The following PREX1 variants were observed in gnomAD, a reference collection of about 807,000 sequenced individuals.
PREX1 encodes phosphatidylinositol-3,4,5-trisphosphate dependent Rac exchange factor 1.
PREX1 carries 41 observed loss-of-function variants against 198.3 expected under a neutral mutation model. The ratio of observed to expected loss-of-function variants is 0.21; its 90% CI spans 0.16 to 0.27. The LOEUF is 0.27. Ranked by LOEUF, PREX1 falls within the 10% of genes least tolerant of loss-of-function variation. The pLI is 1.00. For synonymous variants in PREX1, 843 were observed against 887.2 expected (o/e 0.95, Z 0.89); for missense variants, 1,620 against 2,200.7 (o/e 0.74, Z 5.28).
At chr20:48,639,956 G>A (rs909889860) in intron 29 of PREX1, 62 bp from the exon 30 acceptor site, 5 of 1,567,254 alleles carry the variant, frequency 3.2e-6, no homozygotes, top group Non-Finnish European at 4.4e-6. Context: ...GAGAACGGTG[G>A]CACAAAGGCC....
chr20:48,661,419 CAAAAAAAA>C (rs1168247790), intron 15 of PREX1, among the ~76,000 whole-genome samples: 3 of 12,024 alleles, frequency 2.5e-4, no homozygotes, highest in South Asian at 6.1e-3. Context: ...AACTCCATCT[CAAAAAAAA>C]AAAAAAAAAA....
rs953888008 is a variant in PREX1 at position 48,691,774 on chromosome 20, G to A, written c.1037-678C>T. ...ATGAAGTGTGAAATGTTCACGTGAC[G>A]GAACACTCTGCAGCAATGGAAACCA... On this transcript the variant is annotated intron_variant, in intron 8 of 39. Coordinates refer to ENST00000371941, the MANE Select transcript of PREX1 (RefSeq NM_020820.4). This position sits in a 1 kb window ranked among gnomAD's most constrained non-coding sequence, Gnocchi z 5.0. Among the ~76,000 whole-genome samples the A allele has an allele frequency of 1.3e-5, 2 of 152,160 alleles. No individual in the cohort carries two copies. The highest frequency in any genetic ancestry group is 1.3e-4 in the Admixed American group (2 of 15,276).
At chr20:48,838,160 C>T in the PREX1 span, among the ~76,000 whole-genome samples, 1 of 152,108 alleles carries the variant, frequency 6.6e-6, no homozygotes, top group Non-Finnish European at 1.5e-5. Context: ...TCAGATGAGC[C>T]GCACAAAGGC....
chr20:48,722,723 CA>C, intron 5 of PREX1, among the ~76,000 whole-genome samples: 1 of 152,270 alleles, frequency 6.6e-6, no homozygotes, highest in African/African-American at 2.4e-5. Context: ...GAGCTGGGGG[CA>C]AAGGTGGCAA....
At chr20:48,747,119 C>A (rs2122778440) in intron 2 of PREX1, among the ~76,000 whole-genome samples, 1 of 151,354 alleles carries the variant, frequency 6.6e-6, no homozygotes, top group South Asian at 2.1e-4. Context: ...ACATGCAAGG[C>A]CACCGTCCAG....
At chr20:48,775,755 C>T (rs764023453) in intron 1 of PREX1, among the ~76,000 whole-genome samples, 2 of 152,292 alleles carry the variant, frequency 1.3e-5, no homozygotes, top group East Asian at 3.9e-4. Context: ...TCTTTGCCTG[C>T]CGCCATCCAT....
chr20:48,775,755 C>A (rs764023453), intron 1 of PREX1, among the ~76,000 whole-genome samples: 3 of 152,174 alleles, frequency 2.0e-5, no homozygotes, highest in Non-Finnish European at 4.4e-5. Flanking sequence ...TCTTTGCCTG[C>A]CGCCATCCAT....
Position 48,679,428 on chromosome 20 carries a change from G to A in PREX1, c.1540-19C>T. ...TCACACCCTGAAAGAAAAAAGGGGA[G>A]GAATTCTGGGATCAGGCCACATCCT... is the stretch of plus-strand genomic sequence containing the variant. On this transcript the variant is annotated intron_variant, in intron 12 of 39. Transcript: ENST00000371941. The A allele has an allele frequency of 6.2e-7, 1 of 1,610,644 alleles. No individual in the cohort carries two copies. Among genetic ancestry groups the A allele is most frequent in the Non-Finnish European group, 8.5e-7 (1 of 1,177,402 alleles).
the PREX1 span, among the ~76,000 whole-genome samples, chr20:48,861,610 C>T: frequency 6.6e-6 from 1 of 152,222 alleles, no homozygotes; most frequent in Non-Finnish European, 1.5e-5. Flanking sequence ...AGGGACCTCA[C>T]ACTTCAGTGA....
the PREX1 span, among the ~76,000 whole-genome samples, chr20:48,875,551 G>GGCC: frequency 3.3e-5 from 5 of 152,322 alleles, no homozygotes; most frequent in Admixed American, 3.3e-4. Context: ...TTAGAAGCAG[G>GGCC]GCCGCGATCA....
chr20:48,758,822 C>T (rs189221322), intron 1 of PREX1, among the ~76,000 whole-genome samples: 167 of 152,270 alleles, frequency 1.1e-3, no homozygotes, highest in African/African-American at 3.8e-3. Flanking sequence ...TCGAAAACGC[C>T]TATCCCTGCT....
chr20:48,772,852 G>A (rs533369163), intron 1 of PREX1, among the ~76,000 whole-genome samples: 1 of 152,288 alleles, frequency 6.6e-6, no homozygotes, highest in Non-Finnish European at 1.5e-5. Flanking sequence ...TACGTTCGCC[G>A]ACCTCAGTTT....
the PREX1 span, among the ~76,000 whole-genome samples, chr20:48,881,156 G>T: frequency 3.3e-5 from 5 of 152,120 alleles, no homozygotes; most frequent in African/African-American, 9.7e-5. Context: ...TATTCAGCGT[G>T]GGGGAGTGGG....
In PREX1 at chr20:48,625,487, C is replaced by T. The variant is rs2664527; in HGVS notation, c.*398G>A. ...CACGTGTGGTCACCTGGAATGTGGA[C>T]GTTGAAGGAAACCGGGGTTTCAAAA... On this transcript the variant is annotated 3_prime_UTR_variant, in exon 40 of 40. Coordinates refer to ENST00000371941, the MANE Select transcript of PREX1 (RefSeq NM_020820.4). The T allele has an allele frequency of 1.0e-5, 2 of 191,626 alleles. No homozygotes were observed. The highest frequency in any genetic ancestry group is 1.6e-4 in the East Asian group (1 of 6,322). 11.9% of individuals were successfully genotyped at this position (191,626 alleles called of 1,614,324 possible). A position where few individuals can be genotyped will look rare whatever the true frequency, so the allele number is the denominator to read the frequency against.
chr20:48,764,810 G>C (rs951749833), intron 1 of PREX1, among the ~76,000 whole-genome samples: 9 of 147,970 alleles, frequency 6.1e-5, no homozygotes, highest in Admixed American at 1.4e-4. Context: ...AAGAAAGAAA[G>C]AAAAAGAGGG....
chr20:48,873,807 A>G, the PREX1 span, among the ~76,000 whole-genome samples: 2 of 152,312 alleles, frequency 1.3e-5, no homozygotes, highest in Middle Eastern at 3.4e-3. Flanking sequence ...ATACGTCACC[A>G]TGCTCCTCAT....
At chr20:48,716,494 G>A (rs941384244) in intron 5 of PREX1, among the ~76,000 whole-genome samples, 5 of 152,192 alleles carry the variant, frequency 3.3e-5, no homozygotes, top group Admixed American at 6.5e-5. Context: ...CAGCTTCACC[G>A]AAGGCCCAGC....
At chr20:48,743,063 C>T (rs923309664) in intron 3 of PREX1, among the ~76,000 whole-genome samples, 1 of 152,182 alleles carries the variant, frequency 6.6e-6, no homozygotes, top group African/African-American at 2.4e-5. Flanking sequence ...ACAGCTGACA[C>T]GCGGCATTAG....
intron 11 of PREX1, 26 bp downstream of exon 11, chr20:48,681,209 C>A: frequency 6.2e-7 from 1 of 1,604,360 alleles, no homozygotes; most frequent in Non-Finnish European, 8.5e-7. Flanking sequence ...ACCCCTTGGC[C>A]CAGCTGGGCC....
Sources: allele counts gnomAD v4.1 joint callset (sites outside exome capture counted in the v4.1 genomes callset), GRCh38; gene constraint gnomAD v4.1.1; non-coding constraint Gnocchi (gnomAD v3.1); transcripts MANE v1.5; gene names NCBI Gene and HGNC (gene_info 2026-07-23, HGNC 2026-07-21).